Variants in LAMA2 observed in about 807,000 individuals in gnomAD.
The protein encoded by LAMA2 is laminin subunit alpha 2, also known as laminin subunit alpha-2.
LAMA2 carries 269 observed loss-of-function variants against 364.8 expected under a neutral mutation model. That is an observed-to-expected ratio of 0.74 (90% CI 0.67 to 0.82). The LOEUF (loss-of-function observed/expected upper bound fraction) is 0.82. LAMA2 is among the 40% of genes least tolerant of loss of function. The pLI, the probability that LAMA2 is intolerant of heterozygous loss-of-function variation, is 0.00. For synonymous variants in LAMA2, 1,379 were observed against 1,370.6 expected (o/e 1.01, Z -0.14); for missense variants, 3,807 against 3,873.2 (o/e 0.98, Z 0.45).
chr6:129,383,705 C>G (rs909041748), intron 35 of LAMA2, among the ~76,000 whole-genome samples: 53 of 152,118 alleles, frequency 3.5e-4, no homozygotes, highest in African/African-American at 1.2e-3. Context: ...ATGAGAAGCT[C>G]TGGTGCATTT....
intron 1 of LAMA2, among the ~76,000 whole-genome samples, chr6:128,964,045 A>C (rs1781696962): frequency 6.6e-6 from 1 of 152,060 alleles, no homozygotes; most frequent in African/African-American, 2.4e-5. Flanking sequence ...CATTCAATGC[A>C]CTTTGAAAAA....
intron 12 of LAMA2, among the ~76,000 whole-genome samples, chr6:129,221,617 T>G (rs1267097123): frequency 6.6e-6 from 1 of 152,174 alleles, no homozygotes; most frequent in African/African-American, 2.4e-5. Context: ...ACAGAAATAT[T>G]GAAAAGTATT....
At chr6:128,988,074 C>T (rs879701909) in intron 1 of LAMA2, among the ~76,000 whole-genome samples, 5 of 152,208 alleles carry the variant, frequency 3.3e-5, no homozygotes, top group African/African-American at 1.2e-4. Flanking sequence ...CCATGTTGGC[C>T]AGGCTGGTCT....
intron 10 of LAMA2, 144 bp from the exon 11 acceptor site, chr6:129,190,061 A>AAT: frequency 1.2e-6 from 1 of 810,700 alleles, no homozygotes; most frequent in Non-Finnish European, 2.0e-6. Flanking sequence ...TTTTGAGCAG[A>AAT]TTTTTAAAAA....
At chr6:129,446,864 A>T (rs1254113075) in intron 45 of LAMA2, among the ~76,000 whole-genome samples, 1 of 152,178 alleles carries the variant, frequency 6.6e-6, no homozygotes, top group Non-Finnish European at 1.5e-5. Context: ...ATTGAAAAGG[A>T]ATTCACGACT....
intron 1 of LAMA2, among the ~76,000 whole-genome samples, chr6:128,932,677 A>T (rs1432848175): frequency 1.3e-5 from 2 of 152,130 alleles, no homozygotes; most frequent in Non-Finnish European, 2.9e-5. Context: ...TAAGATTTCT[A>T]TTTTTTCTAG....
chr6:129,141,655 A>G (rs1778129828), intron 4 of LAMA2, among the ~76,000 whole-genome samples: 1 of 152,074 alleles, frequency 6.6e-6, no homozygotes, highest in Non-Finnish European at 1.5e-5. Context: ...GGACGTTAGG[A>G]ATGGAAATAT....
intron 12 of LAMA2, among the ~76,000 whole-genome samples, chr6:129,247,808 A>C (rs562414992): frequency 1.3e-5 from 2 of 152,306 alleles, no homozygotes; most frequent in East Asian, 3.9e-4. Flanking sequence ...TATTATCGCT[A>C]TTATTATTAG....
intron 1 of LAMA2, among the ~76,000 whole-genome samples, chr6:128,988,758 A>T (rs1000741512): frequency 6.6e-6 from 1 of 152,208 alleles, no homozygotes; most frequent in African/African-American, 2.4e-5. Context: ...GAGATGAGCT[A>T]AACAAATTAA....
chr6:129,173,575 A>G (rs1012439896), intron 9 of LAMA2, among the ~76,000 whole-genome samples: 1 of 152,226 alleles, frequency 6.6e-6, no homozygotes, highest in Non-Finnish European at 1.5e-5. Context: ...CTCTGGACCA[A>G]TAATTAATGC....
chr6:128,981,317 T>G (rs1409398887), intron 1 of LAMA2, among the ~76,000 whole-genome samples: 2 of 152,150 alleles, frequency 1.3e-5, no homozygotes, highest in Non-Finnish European at 2.9e-5. Context: ...TTTGGTCGGC[T>G]TCTGTCACCC....
rs1196820408 is a variant in LAMA2 at position 129,478,682 on chromosome 6, C to CTA, written c.7452-9_7452-8dup. On this transcript the variant is annotated splice_polypyrimidine_tract_variant and intron_variant, in intron 53 of 64. Transcript: ENST00000421865. Reference sequence around the variant, plus strand: ...GATATTGCTTTTGCTTTTCATTTGACTATTCAATAGGCCAGAAGTAAATCT... The same window carrying CTA: ...GATATTGCTTTTGCTTTTCATTTGACTATATTCAATAGGCCAGAAGTAAATCT... The CTA allele has an allele frequency of 6.2e-7, 1 of 1,613,286 alleles. No homozygotes were observed. Among genetic ancestry groups the CTA allele is most frequent in the Admixed American group, 1.7e-5 (1 of 59,988 alleles).
intron 12 of LAMA2, among the ~76,000 whole-genome samples, chr6:129,228,947 G>A (rs1309095730): frequency 6.6e-6 from 1 of 152,120 alleles, no homozygotes; most frequent in African/African-American, 2.4e-5. Flanking sequence ...CTCCTCTTAT[G>A]TATTCATTGT....
chr6:129,291,868 G>GT (rs1562423465), intron 20 of LAMA2, 148 bp downstream of exon 20: 4 of 676,980 alleles, frequency 5.9e-6, no homozygotes, highest in East Asian at 5.5e-5. Flanking sequence ...TCAGTGAAAA[G>GT]TTTTTTTCAA....
chr6:129,070,021 A>G (rs908319101), intron 3 of LAMA2, among the ~76,000 whole-genome samples: 25 of 152,008 alleles, frequency 1.6e-4, no homozygotes, highest in Non-Finnish European at 7.4e-5. Context: ...AAACATGGCA[A>G]AAAAAGGCTG....
Position 128,898,671 on chromosome 6 carries a change from G to A in LAMA2, c.112+15314G>A, listed in dbSNP as rs367552449. 7.1e-4 allele frequency among the ~76,000 whole-genome samples: 108 copies of A among 152,248 alleles called. 3 individuals are homozygous for A. The South Asian group carries it at 0.021, about 29-fold the overall frequency. ...TTACAATCAATTTTCCATGCAATAG[G>A]CAAAGTGAACTCTGAAAATAGTAAA... On this transcript the variant is annotated intron_variant, in intron 1 of 64. Coordinates refer to ENST00000421865, the MANE Select transcript of LAMA2 (RefSeq NM_000426.4).
intron 37 of LAMA2, among the ~76,000 whole-genome samples, chr6:129,399,088 T>C (rs1335128991): frequency 6.6e-6 from 1 of 152,224 alleles, no homozygotes; most frequent in Non-Finnish European, 1.5e-5. Context: ...CTGTGATGCA[T>C]TGGTATTTCT....
intron 12 of LAMA2, among the ~76,000 whole-genome samples, chr6:129,244,829 C>G (rs377082411): frequency 6.6e-6 from 1 of 152,154 alleles, no homozygotes; most frequent in Admixed American, 6.5e-5. Context: ...TGTGGGAAAA[C>G]TTTCCTGCCT....
intron 4 of LAMA2, among the ~76,000 whole-genome samples, chr6:129,119,064 CCATG>C (rs1776650127): frequency 6.6e-6 from 1 of 152,224 alleles, no homozygotes; most frequent in Admixed American, 6.5e-5. Flanking sequence ...CCTCTTCTCT[CCATG>C]TTCTTTTCAC....
Sources: allele counts gnomAD v4.1 joint callset (sites outside exome capture counted in the v4.1 genomes callset), GRCh38; gene constraint gnomAD v4.1.1; transcripts MANE v1.5; gene names NCBI Gene and HGNC (gene_info 2026-07-23, HGNC 2026-07-21).